Variants in LNX1 observed in about 807,000 individuals in gnomAD.
The protein encoded by LNX1 is E3 ubiquitin-protein ligase LNX.
Under a neutral mutation model 68.4 loss-of-function variants are expected in LNX1, and 54 were observed. The observed-to-expected ratio is 0.79, with a 90% CI of 0.63 to 0.99. The LOEUF is 0.99. LNX1 is among the 50% of genes least tolerant of loss of function. The probability of loss-of-function intolerance (pLI) is 0.00; values close to 1 mark genes in which losing one functional copy is unlikely to be tolerated. For missense variants in LNX1, 906 were observed against 926.4 expected (o/e 0.98, Z 0.29); for synonymous variants, 336 against 350.0 (o/e 0.96, Z 0.45).
upstream of LNX1, among the ~76,000 whole-genome samples, chr4:53,592,683 G>A (rs928779002): frequency 5.9e-5 from 9 of 152,084 alleles, no homozygotes; most frequent in Non-Finnish European, 1.2e-4. Context: ...CTGATTTTGG[G>A]AATGCTTTTG....
intron 1 of LNX1, among the ~76,000 whole-genome samples, chr4:53,629,934 C>T (rs1734208572): frequency 6.6e-6 from 1 of 152,100 alleles, no homozygotes; most frequent in Admixed American, 6.5e-5. Flanking sequence ...TCTTCTCATT[C>T]CTCCAAAACA....
At chr4:53,574,164 G>A (rs1731344504) in intron 1 of LNX1, 76 bp from the exon 2 acceptor site, 3 of 1,089,682 alleles carry the variant, frequency 2.8e-6, no homozygotes, top group Admixed American at 3.0e-5. Context: ...CATGAGACAG[G>A]GCTGCCAATG....
intron 1 of LNX1, among the ~76,000 whole-genome samples, chr4:53,635,669 T>A (rs1222183078): frequency 6.6e-6 from 1 of 152,152 alleles, no homozygotes; most frequent in African/African-American, 2.4e-5. Flanking sequence ...ATGCAACTCA[T>A]GAAAAACAAG....
In LNX1 at chr4:53,573,753, G is replaced by A. The variant is rs1577738511; in HGVS notation, c.250C>T (p.Leu84=). ...FCPMDRKPLV[L]QHCKKSSILV... ...ATGCTGGACTTCTTGCAGTGCTGCA[G>A]AACCAGAGGCTTGCGGTCCATGGGA... Residue 84 remains leucine, a synonymous_variant, in exon 2 of 11, where the codon CTG becomes TTG. Transcript: ENST00000263925. The A allele has an allele frequency of 3.1e-6, 5 of 1,612,024 alleles. No homozygotes were observed. Among genetic ancestry groups the A allele is most frequent in the Non-Finnish European group, 4.2e-6 (5 of 1,179,114 alleles).
rs1053403353 is a variant in LNX1 at position 53,568,680 on chromosome 4, G to A, written c.380+4943C>T. 3.0e-4 allele frequency among the ~76,000 whole-genome samples: 45 copies of A among 151,350 alleles called. 1 individual carries two copies. Among genetic ancestry groups the A allele is most frequent in the African/African-American group, 9.6e-4 (39 of 40,804 alleles). Reference sequence around the variant, plus strand: ...TGGCCAGGGCAATTAGGCAGGAGAAGGAAATAAAGGGTATTCAATTAGGAA... The same window carrying A: ...TGGCCAGGGCAATTAGGCAGGAGAAAGAAATAAAGGGTATTCAATTAGGAA... On this transcript the variant is annotated intron_variant, in intron 2 of 10. Transcript: ENST00000263925.
intron 4 of LNX1, among the ~76,000 whole-genome samples, chr4:53,501,311 G>GGGGGGGAT (rs1553932778): frequency 1.8e-5 from 1 of 55,696 alleles, no homozygotes; most frequent in Non-Finnish European, 3.6e-5. Context: ...GGGGTGGGGG[G>GGGGGGGAT]ACAGGATCTC....
rs1721788941 is a variant in LNX1, at chr4:53,460,537, A to ATT, written c.*368_*369dup. Reference sequence around the variant, plus strand: ...ATTTTAAAAAATATTTTAGCTGTAAATTAAAAATGGCCATAATGTACCCTT... The same window carrying ATT: ...ATTTTAAAAAATATTTTAGCTGTAAATTTTAAAAATGGCCATAATGTACCCTT... On this transcript the variant is annotated 3_prime_UTR_variant, in exon 11 of 11. Coordinates refer to ENST00000263925, the MANE Select transcript of LNX1 (RefSeq NM_001126328.3). 1 of 211,726 alleles carries ATT rather than the reference A, an allele frequency of 4.7e-6. No homozygotes were observed. Among genetic ancestry groups the ATT allele is most frequent in the African/African-American group, 2.3e-5 (1 of 44,046 alleles). The allele number at this position is 211,726 out of a possible 1,614,324, so 13.1% of individuals were successfully genotyped here. A position where few individuals can be genotyped will look rare whatever the true frequency, so the allele number is the denominator to read the frequency against.
At chr4:53,558,177 A>T in intron 2 of LNX1, 1 of 1,357,116 alleles carries the variant, frequency 7.4e-7, no homozygotes, top group Non-Finnish European at 9.5e-7. Context: ...AGGATGTAGG[A>T]ACGCAAGGAG....
At position 53,459,518 on chromosome 4, in the gene LNX1, A is replaced by G; in HGVS notation, c.*1389T>C. 1 of 1,596,242 alleles carries G rather than the reference A, an allele frequency of 6.3e-7. No homozygotes were observed. The highest frequency in any genetic ancestry group is 8.6e-7 in the Non-Finnish European group (1 of 1,167,468). On this transcript the variant is annotated 3_prime_UTR_variant, in exon 11 of 11. Transcript: ENST00000263925. ...ACTATAAATCTTGTTATTTTTCTGG[A>G]TAATGTTTAAGAAATTTACCTTAAA... is the stretch of plus-strand genomic sequence containing the variant.
chr4:53,486,010 T>C (rs1724266152), intron 6 of LNX1, among the ~76,000 whole-genome samples: 1 of 152,196 alleles, frequency 6.6e-6, no homozygotes, highest in Non-Finnish European at 1.5e-5. Context: ...GGTTTAACAA[T>C]GGTGGCTACC....
chr4:53,566,906 A>G (rs1730735103), intron 2 of LNX1, among the ~76,000 whole-genome samples: 1 of 152,192 alleles, frequency 6.6e-6, no homozygotes, highest in African/African-American at 2.4e-5. Flanking sequence ...CAAGGCCATT[A>G]CATAATGGTA....
chr4:53,567,809 G>T (rs1031059859), intron 2 of LNX1, among the ~76,000 whole-genome samples: 2 of 151,728 alleles, frequency 1.3e-5, no homozygotes, highest in African/African-American at 4.9e-5. Context: ...AATGATAAAG[G>T]GGATATCACC....
At chr4:53,545,965 C>G (rs1729088734) in intron 2 of LNX1, among the ~76,000 whole-genome samples, 1 of 152,132 alleles carries the variant, frequency 6.6e-6, no homozygotes, top group Non-Finnish European at 1.5e-5. Context: ...CCTCACCATG[C>G]CCAGATAATT....
intron 1 of LNX1, chr4:53,579,262 A>G (rs1731681439): frequency 1.0e-6 from 1 of 984,804 alleles, no homozygotes; most frequent in African/African-American, 1.7e-5. Context: ...TACGTGTATG[A>G]TGGGTACGGT....
chr4:53,465,825 C>T (rs1722636369), intron 9 of LNX1, among the ~76,000 whole-genome samples: 1 of 152,046 alleles, frequency 6.6e-6, no homozygotes, highest in Non-Finnish European at 1.5e-5. Flanking sequence ...ACAGATTCAC[C>T]CAATGTTTCT....
At chr4:53,489,275 G>A (rs1724525303) in intron 6 of LNX1, among the ~76,000 whole-genome samples, 2 of 152,146 alleles carry the variant, frequency 1.3e-5, no homozygotes, top group Non-Finnish European at 2.9e-5. Context: ...GGTGGAAAAG[G>A]AGAATTAGGG....
At chr4:53,467,522 T>A (rs563454753) in intron 9 of LNX1, among the ~76,000 whole-genome samples, 1 of 152,158 alleles carries the variant, frequency 6.6e-6, no homozygotes, top group South Asian at 2.1e-4. Flanking sequence ...AGAGGAAGGC[T>A]TCAGAAGATC....
rs762970381 is a variant in LNX1 at position 53,498,760 on chromosome 4, A to G, written c.859T>C (p.Ser287Pro). Reference protein sequence around the residue: ...INRVDPSESLSIRLVGGSETP... With the variant: ...INRVDPSESLPIRLVGGSETP... ...TCGCTACCTCCCACCAGCCTAATAG[A>G]GAGGCTTTCACTGGGATCTACTCGA... is the stretch of plus-strand genomic sequence containing the variant. Residue 287 changes from serine to proline, a missense_variant, in exon 5 of 11, where the codon TCT (serine) becomes CCT (proline). By Grantham distance (74) the Ser-to-Pro change is moderately conservative. Coordinates refer to ENST00000263925, the MANE Select transcript of LNX1 (RefSeq NM_001126328.3). 1.2e-6 allele frequency: 2 copies of G among 1,613,806 alleles called. No homozygotes were observed. Among genetic ancestry groups the G allele is most frequent in the Non-Finnish European group, 1.7e-6 (2 of 1,179,706 alleles).
intron 2 of LNX1, among the ~76,000 whole-genome samples, chr4:53,536,588 G>A (rs1266777685): frequency 3.3e-5 from 5 of 152,092 alleles, no homozygotes; most frequent in Admixed American, 1.3e-4. Flanking sequence ...AGATCTCAGG[G>A]CCTCTGTGTC....
Sources: allele counts gnomAD v4.1 joint callset (sites outside exome capture counted in the v4.1 genomes callset), GRCh38; gene constraint gnomAD v4.1.1; transcripts MANE v1.5; gene names NCBI Gene and HGNC (gene_info 2026-07-23, HGNC 2026-07-21).